The following STIP1 variants were observed in gnomAD, a reference collection of about 807,000 sequenced individuals.
STIP1 encodes the protein stress-induced-phosphoprotein 1.
STIP1 carries 16 observed loss-of-function variants against 77.4 expected under a neutral mutation model. That is an observed-to-expected ratio of 0.21 (90% confidence interval 0.14 to 0.31). The LOEUF is 0.31. Among genes scored for constraint, STIP1 ranks in the 10% least tolerant of loss-of-function variants. The pLI is 1.00. For synonymous variants in STIP1, 258 were observed against 246.6 expected (o/e 1.05, Z -0.44); for missense variants, 524 against 684.8 (o/e 0.77, Z 2.62).
rs764224952 is a variant in STIP1 at position 64,186,242 on chromosome 11, G to T, written c.-20G>T. The T allele has an allele frequency of 3.7e-5, 57 of 1,548,476 alleles. No homozygotes were observed. The highest frequency in any genetic ancestry group is 4.5e-5 in the Non-Finnish European group (52 of 1,145,964). On this transcript the variant is annotated 5_prime_UTR_variant, in exon 1 of 14. Transcript: ENST00000305218. ...GAGCGGACGGATTCGATTCAACGGGGTTCCGGACCGCGCTGCGCTATGGAG... is the reference window on the plus strand; with the variant it reads ...GAGCGGACGGATTCGATTCAACGGGTTTCCGGACCGCGCTGCGCTATGGAG...
At chr11:64,202,149 C>T (rs1318349852) in intron 10 of STIP1, among the ~76,000 whole-genome samples, 3 of 152,218 alleles carry the variant, frequency 2.0e-5, no homozygotes, top group Admixed American at 6.5e-5. Flanking sequence ...CTGATGCCAT[C>T]TGCCGTCTGT....
intron 4 of STIP1, 78 bp from the exon 5 acceptor site, chr11:64,195,567 G>C (rs1946140113): frequency 7.2e-7 from 1 of 1,389,488 alleles, no homozygotes; most frequent in Admixed American, 2.6e-5. Flanking sequence ...TCTGACTTTA[G>C]TAGTAAGTGG....
At chr11:64,202,565 C>T (rs1356423260) in intron 10 of STIP1, 1 of 360,700 alleles carries the variant, frequency 2.8e-6, no homozygotes, top group Non-Finnish European at 5.1e-6. Context: ...GTTTTTTAGT[C>T]AGCAATGGTT....
chr11:64,202,400 ATTT>A (rs1174421253), intron 10 of STIP1: 10 of 101,886 alleles, frequency 9.8e-5, no homozygotes, highest in East Asian at 2.6e-4. Context: ...AGGCCAGCAA[ATTT>A]TTTTTTTTTT....
chr11:64,201,124 C>T (rs1946215725), intron 10 of STIP1, among the ~76,000 whole-genome samples: 1 of 151,974 alleles, frequency 6.6e-6, no homozygotes, highest in Non-Finnish European at 1.5e-5. Flanking sequence ...ACTGCAACCT[C>T]TACTTCCCTG....
At chr11:64,186,163 G>A (rs1946011654), upstream of STIP1, 1 of 1,550,610 alleles carries the variant, frequency 6.4e-7, no homozygotes. Context: ...GGGAGCCGGG[G>A]TCCCGGTAGC....
At chr11:64,198,113 C>T in intron 8 of STIP1, 139 bp downstream of exon 8, 1 of 1,246,208 alleles carries the variant, frequency 8.0e-7, no homozygotes, top group Non-Finnish European at 1.1e-6. Context: ...GGCTGAAAGA[C>T]AGTGGCACAA....
At chr11:64,186,540 G>C (rs1946020069) in intron 1 of STIP1, 2 of 291,216 alleles carry the variant, frequency 6.9e-6, no homozygotes, top group East Asian at 6.2e-5. Flanking sequence ...GGCCGGCGGC[G>C]GGAAGAGGGG....
At position 64,197,886 on chromosome 11, in the gene STIP1, A is replaced by G. The variant is rs1946168510; in HGVS notation, c.935A>G (p.Lys312Arg). The change falls in exon 8 of 14, where the codon AAA becomes AGA. Residue 312 changes from lysine (K) to arginine (R), a missense_variant. Coordinates refer to ENST00000305218, the MANE Select transcript of STIP1 (RefSeq NM_006819.3). ...GCTCGAATTGGCAACTCCTACTTCA[A>G]AGAAGAAAAGTACAAGGATGCCATC... is the stretch of plus-strand genomic sequence containing the variant. ...AYARIGNSYF[K>R]EEKYKDAIHF... 2 of 1,612,470 alleles carry G rather than the reference A, an allele frequency of 1.2e-6. No homozygotes were observed. Among genetic ancestry groups the G allele is most frequent in the Non-Finnish European group, 1.7e-6 (2 of 1,179,838 alleles).
chr11:64,191,219 A>G (rs1004748532), intron 1 of STIP1, among the ~76,000 whole-genome samples: 2 of 147,972 alleles, frequency 1.4e-5, no homozygotes. Context: ...CTGAGTCAGG[A>G]GGATTGCTTG....
At chr11:64,188,037 CA>C (rs34070761) in intron 1 of STIP1, among the ~76,000 whole-genome samples, 13,139 of 72,168 alleles carry the variant, frequency 0.18, 544 homozygotes, top group Non-Finnish European at 0.23. Context: ...GACTCCGTCT[CA>C]AAAAAAAAAA....
At chr11:64,196,272 T>C (rs932893094) in intron 5 of STIP1, among the ~76,000 whole-genome samples, 2 of 150,616 alleles carry the variant, frequency 1.3e-5, no homozygotes, top group Non-Finnish European at 3.0e-5. Context: ...GGTGGGCGCC[T>C]GTAGTCCCAG....
chr11:64,202,840 G>A (rs1946234732), intron 10 of STIP1, 36 bp from the exon 11 acceptor site: 2 of 1,614,024 alleles, frequency 1.2e-6, no homozygotes, highest in Non-Finnish European at 1.7e-6. Context: ...TTGTCCAAGG[G>A]AATGAGCCTA....
chr11:64,197,702 GT>G, intron 7 of STIP1, 107 bp downstream of exon 7: 1 of 1,555,484 alleles, frequency 6.4e-7, no homozygotes, highest in Non-Finnish European at 8.8e-7. Context: ...AATCTGCTGT[GT>G]TAAGAAAGGG....
intron 1 of STIP1, among the ~76,000 whole-genome samples, chr11:64,186,720 C>T (rs1459947217): frequency 1.3e-5 from 2 of 152,206 alleles, no homozygotes; most frequent in African/African-American, 2.4e-5. Context: ...CGGGACTTAG[C>T]CACGAGGAAC....
rs777787639 is a variant in STIP1, at chr11:64,194,372, T to C, written c.361+42T>C. On this transcript the variant is annotated intron_variant, in intron 3 of 13. Transcript: ENST00000305218. ...GTTTTCTTTCTTATTATTAATGTGA[T>C]TAATTTTGAGTCTTCACCCCTGAGA... 32 of 1,611,342 alleles carry C rather than the reference T, an allele frequency of 2.0e-5. 1 individual carries two copies. The Admixed American group carries it at 5.0e-4, about 25-fold the overall frequency.
At chr11:64,190,566 C>T (rs1390051077) in intron 1 of STIP1, among the ~76,000 whole-genome samples, 1 of 152,200 alleles carries the variant, frequency 6.6e-6, no homozygotes, top group Non-Finnish European at 1.5e-5. Context: ...CTACCCGCCT[C>T]AGCTTCCCAA....
Position 64,204,109 on chromosome 11 carries a change from C to G in STIP1, c.1615C>G (p.Leu539Val). The G allele has an allele frequency of 6.2e-7, 1 of 1,614,202 alleles. No individual in the cohort carries two copies. The highest frequency in any genetic ancestry group is 8.5e-7 in the Non-Finnish European group (1 of 1,180,044). ...GATCCAGAAGCTGATGGATGTGGGT[C>G]TGATTGCAATTCGGTGATGACTTGT... is the stretch of plus-strand genomic sequence containing the variant. ...QKIQKLMDVG[L>V]IAIR The change falls in exon 14 of 14, where the codon CTG becomes GTG. Residue 539 changes from leucine (L) to valine (V), a missense_variant. Physicochemically the swap from Leu to Val is conservative, Grantham distance 32. Coordinates refer to ENST00000305218, the MANE Select transcript of STIP1 (RefSeq NM_006819.3).
chr11:64,190,408 A>G (rs1187772373), intron 1 of STIP1, among the ~76,000 whole-genome samples: 1 of 152,008 alleles, frequency 6.6e-6, no homozygotes, highest in Non-Finnish European at 1.5e-5. Flanking sequence ...TCCTGACCTC[A>G]GGTGATCTGC....
Sources: allele counts gnomAD v4.1 joint callset (sites outside exome capture counted in the v4.1 genomes callset), GRCh38; gene constraint gnomAD v4.1.1; transcripts MANE v1.5; gene names NCBI Gene and HGNC (gene_info 2026-07-23, HGNC 2026-07-21).